The following LIN9 variants were observed in gnomAD, a reference collection of about 807,000 sequenced individuals.
LIN9 encodes the protein lin-9 DREAM MuvB core complex component.
A neutral mutation model predicts 78.0 loss-of-function variants in LIN9; 18 were observed. The observed-to-expected ratio is 0.23, with a 90% confidence interval of 0.16 to 0.34. The LOEUF is 0.34. Among genes scored for constraint, LIN9 ranks in the 10% least tolerant of loss-of-function variants. LIN9 has a pLI of 1.00. For synonymous variants in LIN9, 192 were observed against 215.2 expected (o/e 0.89, Z 0.94); for missense variants, 451 against 644.1 (o/e 0.70, Z 3.25).
At chr1:226,257,809 T>C (rs1226970622) in intron 10 of LIN9, among the ~76,000 whole-genome samples, 1 of 152,178 alleles carries the variant, frequency 6.6e-6, no homozygotes, top group African/African-American at 2.4e-5. Context: ...CGGTAGATAT[T>C]TATTACTATA....
At chr1:226,281,847 C>T (rs912632337) in intron 6 of LIN9, among the ~76,000 whole-genome samples, 4 of 151,970 alleles carry the variant, frequency 2.6e-5, no homozygotes, top group African/African-American at 9.7e-5. Flanking sequence ...GTATGTGCCA[C>T]CACGCCCAGC....
At chr1:226,260,695 A>C (rs1164561035) in intron 10 of LIN9, among the ~76,000 whole-genome samples, 2 of 113,260 alleles carry the variant, frequency 1.8e-5, no homozygotes, top group African/African-American at 7.0e-5. Flanking sequence ...CCCAGGCCGG[A>C]GTGCAGTGGC....
intron 7 of LIN9, among the ~76,000 whole-genome samples, chr1:226,268,649 C>T (rs1454830628): frequency 2.0e-5 from 3 of 152,136 alleles, no homozygotes; most frequent in Non-Finnish European, 2.9e-5. Flanking sequence ...CCTGCTTTCC[C>T]TCTGGAAGAC....
At chr1:226,277,058 T>A (rs1419927551) in intron 7 of LIN9, among the ~76,000 whole-genome samples, 1 of 151,408 alleles carries the variant, frequency 6.6e-6, no homozygotes, top group Non-Finnish European at 1.5e-5. Flanking sequence ...ATAAAAAAAA[T>A]TTACGGCCAG....
chr1:226,234,664 G>C (rs1657567549), intron 12 of LIN9, among the ~76,000 whole-genome samples: 1 of 152,116 alleles, frequency 6.6e-6, no homozygotes, highest in African/African-American at 2.4e-5. Context: ...ACAGAGATAA[G>C]AGACCAAGAT....
At chr1:226,262,982 A>T (rs558712972) in intron 10 of LIN9, among the ~76,000 whole-genome samples, 3 of 152,374 alleles carry the variant, frequency 2.0e-5, no homozygotes, top group East Asian at 1.9e-4. Flanking sequence ...TCAAGCCACG[A>T]ATAGACATGA....
In LIN9 at chr1:226,293,302, G is replaced by C. The variant is rs921029332; in HGVS notation, c.264+2540C>G. On this transcript the variant is annotated intron_variant, in intron 4 of 14. Coordinates refer to ENST00000681046, the MANE Select transcript of LIN9 (RefSeq NM_001366245.2). Reference sequence around the variant, plus strand: ...CAGAATTCTCTGTATTGCTAAAAAGGGCTCTGTAAAATAGTCCAGAAGGAG... The same window carrying C: ...CAGAATTCTCTGTATTGCTAAAAAGCGCTCTGTAAAATAGTCCAGAAGGAG... 4.6e-5 allele frequency among the ~76,000 whole-genome samples: 7 copies of C among 152,122 alleles called. No homozygotes were observed. In the South Asian group the frequency reaches 6.2e-4, roughly 14 times the overall value.
intron 11 of LIN9, among the ~76,000 whole-genome samples, chr1:226,246,086 CTTAGA>C (rs983484228): frequency 2.6e-5 from 4 of 152,218 alleles, no homozygotes; most frequent in African/African-American, 9.6e-5. Flanking sequence ...TAATGTGTCA[CTTAGA>C]TTAATCCACA....
chr1:226,291,245 C>T (rs949009924), intron 4 of LIN9, among the ~76,000 whole-genome samples: 2 of 152,030 alleles, frequency 1.3e-5, no homozygotes, highest in Admixed American at 6.6e-5. Flanking sequence ...AATTTAAATG[C>T]TCCCAAATGG....
At chr1:226,272,050 AC>A (rs1558182483) in intron 7 of LIN9, among the ~76,000 whole-genome samples, 1 of 137,290 alleles carries the variant, frequency 7.3e-6, no homozygotes, top group Non-Finnish European at 1.5e-5. Flanking sequence ...CATTATCTTA[AC>A]TTTTTTTTTT....
intron 11 of LIN9, among the ~76,000 whole-genome samples, chr1:226,243,774 A>G (rs1167619852): frequency 1.2e-4 from 19 of 152,040 alleles, no homozygotes; most frequent in Admixed American, 1.2e-3. Context: ...TATACATTAA[A>G]AAATAAATAC....
intron 10 of LIN9, among the ~76,000 whole-genome samples, chr1:226,253,636 C>T (rs1658993844): frequency 6.6e-6 from 1 of 151,650 alleles, no homozygotes; most frequent in East Asian, 2.0e-4. Flanking sequence ...ATAAAAAGGG[C>T]CGGGTACGGT....
intron 11 of LIN9, 46 bp from the exon 12 acceptor site, chr1:226,239,142 G>A: frequency 6.3e-7 from 1 of 1,591,594 alleles, no homozygotes; most frequent in Non-Finnish European, 8.6e-7. Context: ...TTGTTTTTTA[G>A]CAATGCAATT....
chr1:226,256,143 G>T (rs1176403313), intron 10 of LIN9, among the ~76,000 whole-genome samples: 2 of 151,980 alleles, frequency 1.3e-5, no homozygotes, highest in Non-Finnish European at 2.9e-5. Context: ...AGCACTTTGG[G>T]AGGCTAAGGC....
At chr1:226,296,022 G>T in intron 3 of LIN9, 76 bp from the exon 4 acceptor site, 2 of 923,070 alleles carry the variant, frequency 2.2e-6, no homozygotes, top group Non-Finnish European at 3.4e-6. Flanking sequence ...TTCTATACTT[G>T]GAAAACTGAG....
At chr1:226,271,163 G>A (rs1338046205) in intron 7 of LIN9, among the ~76,000 whole-genome samples, 3 of 152,254 alleles carry the variant, frequency 2.0e-5, no homozygotes. Context: ...AAAGTATCAT[G>A]TCTAGACATT....
intron 6 of LIN9, among the ~76,000 whole-genome samples, chr1:226,280,996 G>C (rs1457021705): frequency 6.6e-6 from 1 of 152,164 alleles, no homozygotes; most frequent in African/African-American, 2.4e-5. Flanking sequence ...ATTTACAATA[G>C]CCAAGATATG....
At chr1:226,238,572 A>G (rs933255524) in intron 12 of LIN9, among the ~76,000 whole-genome samples, 1 of 151,982 alleles carries the variant, frequency 6.6e-6, no homozygotes, top group East Asian at 1.9e-4. Flanking sequence ...GTTCGCCAAG[A>G]TTGCAAGATT....
intron 10 of LIN9, among the ~76,000 whole-genome samples, chr1:226,252,041 G>A (rs1658863813): frequency 2.6e-5 from 4 of 152,224 alleles, no homozygotes; most frequent in South Asian, 2.1e-4. Context: ...GATCACTTAA[G>A]CCCAAGAGTT....
Sources: gnomAD v4.1 joint callset for allele counts (sites outside exome capture counted in the v4.1 genomes callset) on GRCh38, gnomAD v4.1.1 for gene constraint, MANE v1.5 for transcripts, NCBI Gene and HGNC (gene_info 2026-07-23, HGNC 2026-07-21) for gene names.